Variants in FAM118B observed in about 807,000 individuals in gnomAD.
FAM118B encodes the protein SIR2 antiphage like 1.
Under a neutral mutation model 38.5 loss-of-function variants are expected in FAM118B, and 24 were observed. The ratio of observed to expected loss-of-function variants is 0.62; its 90% confidence interval spans 0.45 to 0.88. The LOEUF (loss-of-function observed/expected upper bound fraction) is 0.88, where lower values mean the gene tolerates loss of function less well. Ranked by LOEUF, FAM118B falls within the 40% of genes least tolerant of loss-of-function variation. The pLI is 0.00. For missense variants in FAM118B, 334 were observed against 420.0 expected (o/e 0.80, Z 1.79); for synonymous variants, 138 against 156.3 (o/e 0.88, Z 0.87).
chr11:126,220,642 G>C (rs984288560), intron 1 of FAM118B, among the ~76,000 whole-genome samples: 1 of 152,112 alleles, frequency 6.6e-6, no homozygotes, highest in Non-Finnish European at 1.5e-5. Context: ...TTGAGCCCCA[G>C]AGTTTGATGC....
At chr11:126,257,157 C>T (rs1263979391) in intron 7 of FAM118B, among the ~76,000 whole-genome samples, 1 of 152,198 alleles carries the variant, frequency 6.6e-6, no homozygotes, top group Admixed American at 6.5e-5. Flanking sequence ...GAAGAAAGAT[C>T]ACCCAATTTT....
intron 1 of FAM118B, among the ~76,000 whole-genome samples, chr11:126,219,215 C>T (rs532247423): frequency 1.3e-5 from 2 of 152,056 alleles, no homozygotes; most frequent in East Asian, 3.9e-4. Context: ...GAAGTAAACA[C>T]GTAAGGACAG....
chr11:126,259,492 C>T (rs576045537), intron 7 of FAM118B, among the ~76,000 whole-genome samples: 13 of 141,938 alleles, frequency 9.2e-5, no homozygotes, highest in African/African-American at 3.1e-4. Flanking sequence ...GTGGCACAAT[C>T]TCGGCTCACT....
intron 7 of FAM118B, 40 bp from the exon 8 acceptor site, chr11:126,261,385 C>G (rs1950694828): frequency 1.3e-6 from 2 of 1,575,794 alleles, no homozygotes; most frequent in Non-Finnish European, 1.7e-6. Flanking sequence ...ATAGTTTTAG[C>G]TTTTCAGTCT....
At chr11:126,218,406 C>A (rs1480031894) in intron 1 of FAM118B, among the ~76,000 whole-genome samples, 1 of 152,138 alleles carries the variant, frequency 6.6e-6, no homozygotes. Flanking sequence ...AAGTGCAGAC[C>A]CCCATCTCAC....
intron 1 of FAM118B, chr11:126,214,488 C>CTTTTTTTT (rs1565322268): frequency 5.7e-5 from 2 of 34,856 alleles, no homozygotes; most frequent in Non-Finnish European, 1.2e-4. Context: ...TCTTTTGTTT[C>CTTTTTTTT]TGTTTTTTTT....
At chr11:126,258,738 TTCTACATATTTCTTTTGA>T (rs1950621499) in intron 7 of FAM118B, among the ~76,000 whole-genome samples, 1 of 152,266 alleles carries the variant, frequency 6.6e-6, no homozygotes, top group Non-Finnish European at 1.5e-5. Flanking sequence ...CATATCCAAG[TTCTACATATTTCTTTTGA>T]TCTATATGCT....
rs1950572200 is a variant in FAM118B, at chr11:126,255,949, C to T, written c.697-618C>T. Reference sequence around the variant, plus strand: ...CCAGCCTAGGTGGCAGAGCAAGACTCTGTCTCAAAAATAAAATAAAAATAA... The same window carrying T: ...CCAGCCTAGGTGGCAGAGCAAGACTTTGTCTCAAAAATAAAATAAAAATAA... On this transcript the variant is annotated intron_variant, in intron 6 of 8. Transcript: ENST00000533050. This position sits in a 1 kb window ranked among gnomAD's most constrained non-coding sequence, Gnocchi z 4.6. Among the ~76,000 whole-genome samples the T allele has an allele frequency of 6.6e-6, 1 of 152,024 alleles. No homozygotes were observed. The highest frequency in any genetic ancestry group is 1.5e-5 in the Non-Finnish European group (1 of 68,020).
intron 3 of FAM118B, among the ~76,000 whole-genome samples, chr11:126,238,338 A>G (rs1298573878): frequency 6.6e-6 from 1 of 152,178 alleles, no homozygotes; most frequent in African/African-American, 2.4e-5. Flanking sequence ...TCTCAAAAAA[A>G]AAAGCCAGTT....
At chr11:126,225,062 A>G (rs151217604) in intron 1 of FAM118B, among the ~76,000 whole-genome samples, 4 of 152,316 alleles carry the variant, frequency 2.6e-5, no homozygotes, top group African/African-American at 4.8e-5. Context: ...TGCCATTCCA[A>G]TTTCTAGATC....
At chr11:126,214,938 C>T (rs1344285734) in intron 1 of FAM118B, among the ~76,000 whole-genome samples, 1 of 152,184 alleles carries the variant, frequency 6.6e-6, no homozygotes, top group Non-Finnish European at 1.5e-5. Context: ...AGTTAAGTTA[C>T]GCCTCCTCAA....
chr11:126,211,728 T>C (rs1209961842), upstream of FAM118B: 5 of 1,454,416 alleles, frequency 3.4e-6, no homozygotes, highest in East Asian at 9.1e-5. Context: ...GGTCACGTGG[T>C]GCGGGGTGGG....
At chr11:126,235,628 C>T (rs560008548) in intron 3 of FAM118B, among the ~76,000 whole-genome samples, 1 of 152,286 alleles carries the variant, frequency 6.6e-6, no homozygotes, top group South Asian at 2.1e-4. Context: ...AAGAAATTCT[C>T]CTGCCTCAGC....
intron 4 of FAM118B, among the ~76,000 whole-genome samples, chr11:126,248,750 C>T (rs1042807081): frequency 6.6e-6 from 1 of 152,172 alleles, no homozygotes; most frequent in African/African-American, 2.4e-5. Context: ...CATGGAGGCA[C>T]GGCCCTCGTG....
Position 126,250,352 on chromosome 11 carries a change from A to G in FAM118B, c.340-154A>G, listed in dbSNP as rs1950485066. 6.6e-6 allele frequency among the ~76,000 whole-genome samples: 1 copy of G among 152,078 alleles called. No individual in the cohort carries two copies. Among genetic ancestry groups the G allele is most frequent in the Non-Finnish European group, 1.5e-5 (1 of 68,014 alleles). On this transcript the variant is annotated intron_variant, in intron 4 of 8. Coordinates refer to ENST00000533050, the MANE Select transcript of FAM118B (RefSeq NM_024556.4). This position sits in a 1 kb window ranked among gnomAD's most constrained non-coding sequence, Gnocchi z 5.1. ...GTGATCCGCCCGCCTCGGTCTCCCA[A>G]AGTGCTGGGATTACAGGCGTGAGCC...
intron 1 of FAM118B, among the ~76,000 whole-genome samples, chr11:126,227,214 C>G (rs1316130628): frequency 1.3e-5 from 2 of 151,936 alleles, no homozygotes; most frequent in African/African-American, 4.8e-5. Context: ...AGGCACCCAC[C>G]ACCATGCCCA....
intron 1 of FAM118B, among the ~76,000 whole-genome samples, chr11:126,219,977 G>A (rs1950043071): frequency 6.6e-6 from 1 of 151,892 alleles, no homozygotes; most frequent in Non-Finnish European, 1.5e-5. Flanking sequence ...TTTATGGTGT[G>A]AAAGCAGGGG....
chr11:126,262,301 T>A lies in FAM118B; in HGVS notation c.*168T>A. ...GGGAATGTTGCAGCGTAATCCTTCA[T>A]ACCACCTGGTTCTTGATATTCTGCC... On this transcript the variant is annotated 3_prime_UTR_variant, in exon 9 of 9. Coordinates refer to ENST00000533050, the MANE Select transcript of FAM118B (RefSeq NM_024556.4). 3.3e-6 allele frequency: 2 copies of A among 607,960 alleles called. No homozygotes were observed. The highest frequency in any genetic ancestry group is 1.9e-5 in the African/African-American group (1 of 52,466). The allele number at this position is 607,960 out of a possible 1,614,324, so 37.7% of individuals were successfully genotyped here. A position where few individuals can be genotyped will look rare whatever the true frequency, so the allele number is the denominator to read the frequency against.
rs1356455467 is a variant in FAM118B at position 126,253,025 on chromosome 11, ACT to A, written c.568-1277_568-1276del. Reference sequence around the variant, plus strand: ...GCTCCAATCTGGGCAACAGACCAAGACTCTGTCTAAAAACAAACAAACAAATG... The same window carrying A: ...GCTCCAATCTGGGCAACAGACCAAGACTGTCTAAAAACAAACAAACAAATG... On this transcript the variant is annotated intron_variant, in intron 5 of 8. Transcript: ENST00000533050. The surrounding 1 kb of genome is among the most constrained non-coding windows in gnomAD (Gnocchi z 5.1). Among the ~76,000 whole-genome samples, 3 of 152,302 alleles carry A rather than the reference ACT, an allele frequency of 2.0e-5. No individual in the cohort carries two copies. Among genetic ancestry groups the A allele is most frequent in the South Asian group, 2.1e-4 (1 of 4,828 alleles).
Sources: gnomAD v4.1 joint callset for allele counts (sites outside exome capture counted in the v4.1 genomes callset) on GRCh38, gnomAD v4.1.1 for gene constraint, Gnocchi (gnomAD v3.1) non-coding constraint, MANE v1.5 for transcripts, NCBI Gene and HGNC (gene_info 2026-07-23, HGNC 2026-07-21) for gene names.